Variants in CSMD1 observed in about 807,000 individuals in gnomAD.
CSMD1 encodes the protein CUB and Sushi multiple domains 1.
In CSMD1, 213 loss-of-function variants were observed where a neutral mutation model predicts 417.5. The ratio of observed to expected loss-of-function variants is 0.51; its 90% CI spans 0.46 to 0.57. CSMD1 has a LOEUF of 0.57. Ranked by LOEUF, CSMD1 falls within the 20% of genes least tolerant of loss-of-function variation. The pLI is 0.00. For synonymous variants in CSMD1, 2,862 were observed against 1,736.8 expected, an observed-to-expected ratio of 1.65 and a Z score of -16.11; for missense variants, 6,923 against 4,529.7, an observed-to-expected ratio of 1.53 and a Z score of -15.17.
intron 12 of CSMD1, among the ~76,000 whole-genome samples, chr8:3,419,550 C>T (rs12678579): frequency 1.3e-5 from 2 of 151,986 alleles, no homozygotes; most frequent in Non-Finnish European, 2.9e-5. Flanking sequence ...ATTCAAGTAA[C>T]CCTCAGCTAA....
At chr8:4,905,183 A>T (rs1044237244) in intron 1 of CSMD1, among the ~76,000 whole-genome samples, 13 of 152,146 alleles carry the variant, frequency 8.5e-5, no homozygotes, top group Non-Finnish European at 1.8e-4. Flanking sequence ...CTCTGAAAAA[A>T]AAAGTTATAT....
intron 6 of CSMD1, among the ~76,000 whole-genome samples, chr8:3,714,041 T>TAGATAGAC (rs1801678380): frequency 6.6e-6 from 1 of 150,446 alleles, no homozygotes; most frequent in Non-Finnish European, 1.5e-5. Context: ...GATAGATAGA[T>TAGATAGAC]AGATAGATAG....
At chr8:4,616,756 G>T (rs891858566) in intron 2 of CSMD1, among the ~76,000 whole-genome samples, 1 of 152,104 alleles carries the variant, frequency 6.6e-6, no homozygotes, top group Admixed American at 6.6e-5. Context: ...AGGGATATTG[G>T]CATAAATGCA....
chr8:4,638,211 A>C (rs947010060), intron 1 of CSMD1, among the ~76,000 whole-genome samples: 3 of 152,158 alleles, frequency 2.0e-5, no homozygotes, highest in African/African-American at 7.2e-5. Flanking sequence ...ATCATGCTTA[A>C]AACACTCCAC....
At chr8:3,893,786 T>G (rs148945432) in intron 5 of CSMD1, among the ~76,000 whole-genome samples, 1 of 152,198 alleles carries the variant, frequency 6.6e-6, no homozygotes, top group African/African-American at 2.4e-5. Context: ...CAGTAAGGAA[T>G]TTCCCCTATA....
chr8:3,900,617 C>A (rs1807681306), intron 5 of CSMD1, among the ~76,000 whole-genome samples: 1 of 151,642 alleles, frequency 6.6e-6, no homozygotes, highest in African/African-American at 2.4e-5. Context: ...CTGGGTGACA[C>A]TAAGTTGGGT....
chr8:3,912,352 T>C (rs1808517214), intron 5 of CSMD1, among the ~76,000 whole-genome samples: 2 of 152,182 alleles, frequency 1.3e-5, no homozygotes, highest in Non-Finnish European at 2.9e-5. Flanking sequence ...TCAAAACATG[T>C]ATTTAGGATT....
chr8:3,287,282 C>T (rs199668674), intron 25 of CSMD1, among the ~76,000 whole-genome samples: 4,458 of 149,824 alleles, frequency 0.03, 108 homozygotes, highest in Admixed American at 0.071. Context: ...CTTGGTGATT[C>T]GGGCTCTTTT....
chr8:3,140,038 G>T (rs999536868), intron 41 of CSMD1, among the ~76,000 whole-genome samples: 2 of 152,042 alleles, frequency 1.3e-5, no homozygotes, highest in East Asian at 1.9e-4. Context: ...GAGTAGCTGG[G>T]ATTACAGGCG....
intron 8 of CSMD1, among the ~76,000 whole-genome samples, chr8:3,591,150 G>A (rs57525114): frequency 0.037 from 5,681 of 152,216 alleles, 284 homozygotes; most frequent in Admixed American, 0.13. Context: ...CTGGAGAACC[G>A]ATTTTGTGTA....
At chr8:3,437,071 T>G (rs1346475754) in intron 12 of CSMD1, among the ~76,000 whole-genome samples, 2 of 152,216 alleles carry the variant, frequency 1.3e-5, no homozygotes, top group Admixed American at 1.3e-4. Flanking sequence ...ATGGTTCTCA[T>G]GCATCGAAAA....
At chr8:4,926,153 T>G (rs144550869) in intron 1 of CSMD1, among the ~76,000 whole-genome samples, 1 of 152,178 alleles carries the variant, frequency 6.6e-6, no homozygotes, top group South Asian at 2.1e-4. Context: ...ATATCATAAA[T>G]TGAAAGGACA....
intron 10 of CSMD1, among the ~76,000 whole-genome samples, chr8:3,495,777 A>G (rs1213462367): frequency 1.3e-5 from 2 of 152,216 alleles, no homozygotes; most frequent in Admixed American, 6.5e-5. Flanking sequence ...AGTTGTGAGC[A>G]ACTTTAATGA....
At chr8:3,156,067 C>T (rs1030101693) in intron 39 of CSMD1, among the ~76,000 whole-genome samples, 13 of 152,344 alleles carry the variant, frequency 8.5e-5, no homozygotes, top group African/African-American at 3.1e-4. Flanking sequence ...TGGGTGCCCA[C>T]ACCACACTAC....
chr8:3,955,755 A>C (rs1811898171), intron 5 of CSMD1, among the ~76,000 whole-genome samples: 1 of 152,220 alleles, frequency 6.6e-6, no homozygotes, highest in Non-Finnish European at 1.5e-5. Flanking sequence ...ACAGGGTCAA[A>C]TACATAGAAA....
chr8:4,247,612 G>A (rs917051199), intron 3 of CSMD1, among the ~76,000 whole-genome samples: 1 of 152,102 alleles, frequency 6.6e-6, no homozygotes, highest in East Asian at 1.9e-4. Context: ...ATAATTACAA[G>A]GAGAAGAGCA....
intron 1 of CSMD1, among the ~76,000 whole-genome samples, chr8:4,650,371 AAAT>A (rs2130893280): frequency 6.6e-6 from 1 of 150,976 alleles, no homozygotes; most frequent in East Asian, 2.0e-4. Flanking sequence ...AAAAAAAAAA[AAAT>A]CAATGAAAAC....
At chr8:4,993,870 C>A (rs898414697) in intron 1 of CSMD1, among the ~76,000 whole-genome samples, 2 of 152,102 alleles carry the variant, frequency 1.3e-5, no homozygotes, top group African/African-American at 4.8e-5. Flanking sequence ...ACCAAAACCC[C>A]CGTAGAGAGC....
At chr8:3,366,196 C>G (rs796422422) in intron 20 of CSMD1, among the ~76,000 whole-genome samples, 17 of 152,228 alleles carry the variant, frequency 1.1e-4, no homozygotes, top group African/African-American at 4.1e-4. Flanking sequence ...TATGATTGTT[C>G]CCATCCTTTG....
Sources: gnomAD v4.1 joint callset for allele counts (sites outside exome capture counted in the v4.1 genomes callset) on GRCh38, gnomAD v4.1.1 for gene constraint, MANE v1.5 for transcripts, NCBI Gene and HGNC (gene_info 2026-07-23, HGNC 2026-07-21) for gene names.